Variants in ARHGAP15 observed in about 807,000 individuals in gnomAD.
ARHGAP15 encodes the protein Rho GTPase activating protein 15.
Under a neutral mutation model 63.7 loss-of-function variants are expected in ARHGAP15, and 51 were observed. That is an observed-to-expected ratio of 0.80 (90% CI 0.64 to 1.01). The LOEUF is 1.01. Ranked by LOEUF, ARHGAP15 falls within the 50% of genes least tolerant of loss-of-function variation. ARHGAP15 has a pLI of 0.00. For missense variants in ARHGAP15, 560 were observed against 564.6 expected (o/e 0.99, Z 0.08); for synonymous variants, 191 against 193.8 (o/e 0.99, Z 0.12).
intron 8 of ARHGAP15, among the ~76,000 whole-genome samples, chr2:143,479,272 T>C (rs1169393323): frequency 6.6e-6 from 1 of 152,150 alleles, no homozygotes; most frequent in Admixed American, 6.6e-5. Flanking sequence ...ATCTAAGTGT[T>C]AATTTCGTAG....
intron 11 of ARHGAP15, among the ~76,000 whole-genome samples, chr2:143,609,332 T>C (rs748584262): frequency 6.6e-6 from 1 of 152,198 alleles, no homozygotes; most frequent in African/African-American, 2.4e-5. Context: ...ACAAAATACA[T>C]GCAGCATCTG....
intron 11 of ARHGAP15, among the ~76,000 whole-genome samples, chr2:143,610,079 A>G (rs1246888968): frequency 1.3e-5 from 2 of 152,100 alleles, no homozygotes; most frequent in Non-Finnish European, 2.9e-5. Context: ...GTATACTAGT[A>G]TAATGGGCCC....
At chr2:143,760,995 G>T (rs987279822) in intron 13 of ARHGAP15, among the ~76,000 whole-genome samples, 5 of 152,046 alleles carry the variant, frequency 3.3e-5, no homozygotes, top group Non-Finnish European at 7.4e-5. Context: ...ATGCTCCCCT[G>T]CTTTTCCAAT....
rs1257912722 is a variant in ARHGAP15, at chr2:143,216,404, T to C, written c.255T>C (p.Tyr85=). 2 of 1,611,000 alleles carry C rather than the reference T, an allele frequency of 1.2e-6. No homozygotes were observed. Among genetic ancestry groups the C allele is most frequent in the Non-Finnish European group, 1.7e-6 (2 of 1,178,942 alleles). The change falls in exon 4 of 14, where the codon TAT becomes TAC. Residue 85 remains tyrosine (Y), a synonymous_variant. Transcript: ENST00000295095. The part of the protein sequence containing the change: ...LEQLMVEKEG[Y]LQKAKIADGG... ...TGCAGATGGTTGAAAAAGAAGGTTA[T>C]CTGCAAAAAGCTAAAATTGCAGATG...
chr2:143,635,292 A>G (rs1010146370), intron 12 of ARHGAP15, among the ~76,000 whole-genome samples: 1 of 140,188 alleles, frequency 7.1e-6, no homozygotes, highest in Non-Finnish European at 1.5e-5. Flanking sequence ...GACTCAAGCA[A>G]TTCTCCTGCC....
At chr2:143,675,128 T>C (rs1416496854) in intron 12 of ARHGAP15, among the ~76,000 whole-genome samples, 1 of 152,236 alleles carries the variant, frequency 6.6e-6, no homozygotes, top group Non-Finnish European at 1.5e-5. Flanking sequence ...GTTTTCACAG[T>C]ATCTTCACCA....
At chr2:143,187,777 A>G (rs997553726) in intron 2 of ARHGAP15, among the ~76,000 whole-genome samples, 10 of 152,232 alleles carry the variant, frequency 6.6e-5, no homozygotes, top group Admixed American at 5.9e-4. Flanking sequence ...ACTTTTCATG[A>G]TGTAAATTGA....
chr2:143,440,264 C>A (rs914303242), intron 8 of ARHGAP15, among the ~76,000 whole-genome samples: 3 of 152,114 alleles, frequency 2.0e-5, no homozygotes, highest in Non-Finnish European at 4.4e-5. Flanking sequence ...GTAGGAAATA[C>A]CCTGTGTGAA....
chr2:143,503,289 G>A (rs1693157608), intron 9 of ARHGAP15, among the ~76,000 whole-genome samples: 1 of 152,134 alleles, frequency 6.6e-6, no homozygotes. Context: ...TTGTGCTTGG[G>A]TGTGTATAAT....
intron 13 of ARHGAP15, among the ~76,000 whole-genome samples, chr2:143,751,778 G>A (rs1172828996): frequency 1.3e-5 from 2 of 152,114 alleles, no homozygotes; most frequent in Admixed American, 6.5e-5. Flanking sequence ...TCACAACTGG[G>A]CAACAGAGAA....
chr2:143,634,276 A>T (rs553718000), intron 12 of ARHGAP15, among the ~76,000 whole-genome samples: 2 of 152,140 alleles, frequency 1.3e-5, no homozygotes, highest in East Asian at 3.9e-4. Context: ...TCCTCAGGGA[A>T]GTCTCTCATC....
chr2:143,242,432 T>G (rs920394775), intron 5 of ARHGAP15, among the ~76,000 whole-genome samples: 30 of 152,232 alleles, frequency 2.0e-4, no homozygotes, highest in African/African-American at 6.3e-4. Flanking sequence ...AATGTAAATG[T>G]AAGACTATAT....
chr2:143,479,112 G>A (rs1356704690), intron 8 of ARHGAP15, among the ~76,000 whole-genome samples: 4 of 152,198 alleles, frequency 2.6e-5, no homozygotes, highest in Admixed American at 1.3e-4. Flanking sequence ...CACTATGTAT[G>A]TATACATGGA....
chr2:143,422,406 T>G (rs950949908), intron 6 of ARHGAP15, among the ~76,000 whole-genome samples: 2 of 152,080 alleles, frequency 1.3e-5, no homozygotes, highest in Non-Finnish European at 2.9e-5. Context: ...GGAACCATCT[T>G]GATGAAGCAG....
chr2:143,266,778 A>C (rs764994074), intron 6 of ARHGAP15, among the ~76,000 whole-genome samples: 2 of 152,170 alleles, frequency 1.3e-5, no homozygotes, highest in African/African-American at 4.8e-5. Flanking sequence ...ATAAAAGATA[A>C]ATAAAAATAA....
chr2:143,448,723 A>G (rs1690258757), intron 8 of ARHGAP15, among the ~76,000 whole-genome samples: 1 of 152,034 alleles, frequency 6.6e-6, no homozygotes, highest in Middle Eastern at 3.4e-3. Context: ...GTTACTCTAG[A>G]TATAATCCAT....
At chr2:143,344,955 A>G (rs13409617) in intron 6 of ARHGAP15, among the ~76,000 whole-genome samples, 63 of 152,232 alleles carry the variant, frequency 4.1e-4, no homozygotes, top group African/African-American at 1.5e-3. Context: ...CATTGCTGAG[A>G]ACACAAGACT....
At chr2:143,670,126 T>G (rs957716495) in intron 12 of ARHGAP15, among the ~76,000 whole-genome samples, 1 of 152,118 alleles carries the variant, frequency 6.6e-6, no homozygotes, top group African/African-American at 2.4e-5. Flanking sequence ...GCTTGAAAAC[T>G]CTAAGAATCA....
At chr2:143,187,368 T>C (rs565782891) in intron 2 of ARHGAP15, among the ~76,000 whole-genome samples, 33 of 152,318 alleles carry the variant, frequency 2.2e-4, no homozygotes, top group Non-Finnish European at 4.0e-4. Flanking sequence ...GGAGTGAGTC[T>C]TCAATCTGAA....
Sources: gnomAD v4.1 joint callset for allele counts (sites outside exome capture counted in the v4.1 genomes callset) on GRCh38, gnomAD v4.1.1 for gene constraint, MANE v1.5 for transcripts, NCBI Gene and HGNC (gene_info 2026-07-23, HGNC 2026-07-21) for gene names.